The following C1GALT1 variants were observed in gnomAD, a reference collection of about 807,000 sequenced individuals.
The protein encoded by C1GALT1 is core 1 synthase, glycoprotein-N-acetylgalactosamine 3-beta-galactosyltransferase 1, also known as glycoprotein-N-acetylgalactosamine 3-beta-galactosyltransferase 1.
A neutral mutation model predicts 31.0 loss-of-function variants in C1GALT1; 11 were observed. That is an observed-to-expected ratio of 0.36 (90% CI 0.22 to 0.59). The LOEUF is 0.59. Ranked by LOEUF, C1GALT1 falls within the 20% of genes least tolerant of loss-of-function variation. C1GALT1 has a pLI of 0.79. For synonymous variants in C1GALT1, 175 were observed against 143.6 expected (o/e 1.22, Z -1.56); for missense variants, 424 against 425.2 (o/e 1.00, Z 0.03).
intron 1 of C1GALT1, among the ~76,000 whole-genome samples, chr7:7,228,803 A>G (rs1183269898): frequency 1.3e-5 from 2 of 152,198 alleles, no homozygotes. Flanking sequence ...ACAATTACGT[A>G]ACACCAAGAA....
chr7:7,187,909 A>C (rs1472899027), intron 1 of C1GALT1, among the ~76,000 whole-genome samples: 1 of 152,324 alleles, frequency 6.6e-6, no homozygotes, highest in South Asian at 2.1e-4. Flanking sequence ...TCATGTTAAT[A>C]AAAAATGTTT....
chr7:7,240,115 G>A lies in C1GALT1; in HGVS notation c.888+1193G>A, dbSNP rs559031207. Among the ~76,000 whole-genome samples, 11 of 152,262 alleles carry A rather than the reference G, an allele frequency of 7.2e-5. No homozygotes were observed. In the East Asian group the frequency reaches 2.1e-3, roughly 29 times the overall value. On this transcript the variant is annotated intron_variant, in intron 3 of 3. Coordinates refer to ENST00000436587, the MANE Select transcript of C1GALT1 (RefSeq NM_020156.5). ...GGCAATGCTTTCAAATCATCATCTGGAACAGTGATTCTCAACCCAGGGCAA... is the reference window on the plus strand; with the variant it reads ...GGCAATGCTTTCAAATCATCATCTGAAACAGTGATTCTCAACCCAGGGCAA...
At chr7:7,183,495 C>T (rs988310474) in intron 1 of C1GALT1, 3 of 682,364 alleles carry the variant, frequency 4.4e-6, no homozygotes, top group Non-Finnish European at 5.4e-6. Context: ...GGAAGAAAGG[C>T]ATTAAATTTT....
chr7:7,193,609 G>GT, intron 1 of C1GALT1, among the ~76,000 whole-genome samples: 1 of 151,602 alleles, frequency 6.6e-6, no homozygotes, highest in South Asian at 2.1e-4. Flanking sequence ...AGATTTGTGG[G>GT]TTTTGGGGGG....
Position 7,245,914 on chromosome 7 carries a change from G to A in C1GALT1, c.*2187G>A, listed in dbSNP as rs1783826657. The A allele has an allele frequency of 6.6e-6, 1 of 151,958 alleles. No homozygotes were observed. Among genetic ancestry groups the A allele is most frequent in the Admixed American group, 6.6e-5 (1 of 15,264 alleles). The allele number at this position is 151,958 out of a possible 1,614,324, so 9.4% of individuals were successfully genotyped here. A position where few individuals can be genotyped will look rare whatever the true frequency, so the allele number is the denominator to read the frequency against. ...CTCAATTTCCTCATCTTTTAATTAG[G>A]GATGATAATACTACCTACCTCACAG... On this transcript the variant is annotated 3_prime_UTR_variant, in exon 4 of 4. Transcript: ENST00000436587.
Position 7,244,298 on chromosome 7 carries a change from A to G in C1GALT1, c.*571A>G, listed in dbSNP as rs1783759136. On this transcript the variant is annotated 3_prime_UTR_variant, in exon 4 of 4. Transcript: ENST00000436587. The stretch of plus-strand genomic sequence containing the variant: ...AGTATTTCTTCCAGAAGAAGCTAAA[A>G]TAAGACTGGCACTTACCCTGAAGTG... 1 of 152,172 alleles carries G rather than the reference A, an allele frequency of 6.6e-6. No homozygotes were observed. Among genetic ancestry groups the G allele is most frequent in the African/African-American group, 2.4e-5 (1 of 41,456 alleles). 9.4% of individuals were successfully genotyped at this position (152,172 alleles called of 1,614,324 possible).
At chr7:7,212,267 G>A (rs773846305) in intron 1 of C1GALT1, among the ~76,000 whole-genome samples, 43 of 152,158 alleles carry the variant, frequency 2.8e-4, no homozygotes, top group Non-Finnish European at 5.3e-4. Context: ...AGCCCTGTGC[G>A]GGGACTGTGT....
chr7:7,218,093 G>C (rs1782331436), intron 1 of C1GALT1, among the ~76,000 whole-genome samples: 1 of 152,166 alleles, frequency 6.6e-6, no homozygotes, highest in Non-Finnish European at 1.5e-5. Context: ...TTTGGCCGTG[G>C]GAGTTAGGAA....
intron 1 of C1GALT1, among the ~76,000 whole-genome samples, chr7:7,195,925 C>T (rs576494008): frequency 3.3e-5 from 5 of 152,050 alleles, no homozygotes; most frequent in Admixed American, 2.6e-4. Context: ...GATATAATGT[C>T]TCTCTTTGTC....
chr7:7,242,738 C>T (rs923576322), intron 3 of C1GALT1, among the ~76,000 whole-genome samples: 1 of 152,064 alleles, frequency 6.6e-6, no homozygotes, highest in African/African-American at 2.4e-5. Flanking sequence ...ACTTTGTTCT[C>T]ATACCAACCC....
At chr7:7,215,393 G>A (rs1782190447) in intron 1 of C1GALT1, among the ~76,000 whole-genome samples, 1 of 151,702 alleles carries the variant, frequency 6.6e-6, no homozygotes, top group African/African-American at 2.4e-5. Context: ...GCCAGTTTGT[G>A]CCGGGAGAGA....
rs1425255056 is a variant in C1GALT1 at position 7,246,854 on chromosome 7, T to C, written c.*3127T>C. The C allele has an allele frequency of 6.6e-6, 1 of 152,170 alleles. No individual in the cohort carries two copies. The highest frequency in any genetic ancestry group is 1.5e-5 in the Non-Finnish European group (1 of 68,028). The allele number at this position is 152,170 out of a possible 1,614,324, so 9.4% of individuals were successfully genotyped here. A position where few individuals can be genotyped will look rare whatever the true frequency, so the allele number is the denominator to read the frequency against. On this transcript the variant is annotated 3_prime_UTR_variant, in exon 4 of 4. Coordinates refer to ENST00000436587, the MANE Select transcript of C1GALT1 (RefSeq NM_020156.5). ...TTTCAAAAAGCATGTTTTAAATCAG[T>C]GTAGTCCAGGATCACACTATATTAA...
At chr7:7,191,933 T>C (rs937056394) in intron 1 of C1GALT1, among the ~76,000 whole-genome samples, 1 of 152,056 alleles carries the variant, frequency 6.6e-6, no homozygotes, top group African/African-American at 2.4e-5. Context: ...CCTTTTACTG[T>C]TGATAGGGTC....
intron 2 of C1GALT1, among the ~76,000 whole-genome samples, chr7:7,173,299 C>T (rs932716840): frequency 6.6e-6 from 1 of 151,878 alleles, no homozygotes; most frequent in Admixed American, 6.6e-5. Context: ...TGCTTGCTCT[C>T]CCTTCACCTT....
At chr7:7,181,684 A>G (rs1780591373), upstream of C1GALT1, among the ~76,000 whole-genome samples, 1 of 152,192 alleles carries the variant, frequency 6.6e-6, no homozygotes, top group Non-Finnish European at 1.5e-5. Context: ...CTGATTTCAG[A>G]GCCCATACTC....
At chr7:7,206,065 ATATT>A (rs749997743) in intron 1 of C1GALT1, among the ~76,000 whole-genome samples, 1 of 152,188 alleles carries the variant, frequency 6.6e-6, no homozygotes, top group Non-Finnish European at 1.5e-5. Context: ...AAAAATTACA[ATATT>A]TATACCAGCT....
chr7:7,212,204 C>G (rs1388066425), intron 1 of C1GALT1, among the ~76,000 whole-genome samples: 1 of 152,152 alleles, frequency 6.6e-6, no homozygotes, highest in Non-Finnish European at 1.5e-5. Context: ...CCAAGAAACT[C>G]GGAGCTTCCA....
chr7:7,178,772 G>A (rs1038047697), upstream of C1GALT1, among the ~76,000 whole-genome samples: 4 of 152,218 alleles, frequency 2.6e-5, no homozygotes, highest in East Asian at 7.7e-4. Context: ...ACACCTGCAT[G>A]TGTGCCAGGC....
chr7:7,221,024 G>A lies in C1GALT1; in HGVS notation c.-17-13279G>A, dbSNP rs149408731. 1.1e-3 allele frequency among the ~76,000 whole-genome samples: 164 copies of A among 152,160 alleles called. 1 individual carries two copies. The highest frequency in any genetic ancestry group is 3.5e-3 in the African/African-American group (145 of 41,506). ...TTTGCAGGATGGCTTTGACCCACGC[G>A]TCCTGAGGTTTCATGATATGTCTTT... On this transcript the variant is annotated intron_variant, in intron 1 of 3. Transcript: ENST00000436587.
Sources: gnomAD v4.1 joint callset for allele counts (sites outside exome capture counted in the v4.1 genomes callset) on GRCh38, gnomAD v4.1.1 for gene constraint, MANE v1.5 for transcripts, NCBI Gene and HGNC (gene_info 2026-07-23, HGNC 2026-07-21) for gene names.